The following IFT56 variants were observed in gnomAD, a reference collection of about 807,000 sequenced individuals.
IFT56 encodes intraflagellar transport 56.
the IFT56 span, among the ~76,000 whole-genome samples, chr7:139,156,014 T>C: frequency 6.6e-6 from 1 of 152,314 alleles, no homozygotes; most frequent in South Asian, 2.1e-4. Flanking sequence ...AGTCTTTCAA[T>C]CTGTGCACAT....
the IFT56 span, chr7:139,181,174 G>C: frequency 6.2e-7 from 1 of 1,612,698 alleles, no homozygotes; most frequent in Non-Finnish European, 8.5e-7. Context: ...GTCTCTTACA[G>C]CTCATTGCTA....
the IFT56 span, chr7:139,148,190 T>C: frequency 0.028 from 44,501 of 1,595,136 alleles, 1,233 homozygotes; most frequent in South Asian, 0.12. Flanking sequence ...TTAACCCTAA[T>C]TCTTTCATCT....
chr7:139,182,171 AT>A, the IFT56 span, among the ~76,000 whole-genome samples: 1 of 152,086 alleles, frequency 6.6e-6, no homozygotes. Flanking sequence ...AAAGATTAAG[AT>A]TTTTTTAAAA....
chr7:139,170,147 C>A, the IFT56 span, among the ~76,000 whole-genome samples: 2 of 152,090 alleles, frequency 1.3e-5, no homozygotes, highest in South Asian at 2.1e-4. Flanking sequence ...TACAACCAAC[C>A]AAGATTGAAC....
At chr7:139,177,335 G>A in the IFT56 span, among the ~76,000 whole-genome samples, 3 of 151,332 alleles carry the variant, frequency 2.0e-5, no homozygotes, top group Non-Finnish European at 4.4e-5. Context: ...TTTGAGTGGT[G>A]GAGGATTAGT....
the IFT56 span, among the ~76,000 whole-genome samples, chr7:139,185,108 G>A: frequency 6.6e-6 from 1 of 151,612 alleles, no homozygotes; most frequent in Middle Eastern, 3.2e-3. Context: ...GGCTGAGGCA[G>A]GAGAATCACT....
chr7:139,159,501 G>A, the IFT56 span, among the ~76,000 whole-genome samples: 4,651 of 152,204 alleles, frequency 0.031, 249 homozygotes, highest in African/African-American at 0.11. Context: ...TGCCAGTGTA[G>A]CTCTTTAGCA....
At chr7:139,178,126 T>C in the IFT56 span, 1 of 948,488 alleles carries the variant, frequency 1.1e-6, no homozygotes, top group Non-Finnish European at 1.6e-6. Flanking sequence ...TATTTTCCTG[T>C]CTTTAAATTA....
At chr7:139,189,241 A>C in the IFT56 span, 2 of 1,053,012 alleles carry the variant, frequency 1.9e-6, no homozygotes, top group South Asian at 3.1e-5. Context: ...ATACAGTATG[A>C]AGGACAGTTC....
the IFT56 span, among the ~76,000 whole-genome samples, chr7:139,165,430 C>T: frequency 6.6e-6 from 1 of 150,772 alleles, no homozygotes; most frequent in Non-Finnish European, 1.5e-5. Flanking sequence ...CGCTTCCTAC[C>T]TTCTCCCTCA....
chr7:139,139,975 A>G, the IFT56 span: 4 of 1,611,344 alleles, frequency 2.5e-6, no homozygotes, highest in Non-Finnish European at 3.4e-6. Flanking sequence ...CTTGGGATGT[A>G]TAAACAAGCT....
chr7:139,174,327 GA>G, the IFT56 span: 1 of 548,478 alleles, frequency 1.8e-6, no homozygotes, highest in South Asian at 1.4e-5. Context: ...CACTGGAGGA[GA>G]GATTTAACAT....
chr7:139,156,936 G>A, the IFT56 span, among the ~76,000 whole-genome samples: 1 of 152,128 alleles, frequency 6.6e-6, no homozygotes, highest in African/African-American at 2.4e-5. Context: ...CTTCAAGGGT[G>A]TCTTGGCTAT....
the IFT56 span, among the ~76,000 whole-genome samples, chr7:139,150,831 A>C: frequency 6.6e-6 from 1 of 152,234 alleles, no homozygotes; most frequent in African/African-American, 2.4e-5. Flanking sequence ...TCAGGCTTAC[A>C]CAACTAACAT....
the IFT56 span, chr7:139,190,679 G>A: frequency 6.6e-6 from 1 of 152,344 alleles, no homozygotes; most frequent in Non-Finnish European, 1.5e-5. Context: ...TCTGTCGTAA[G>A]TCATATTCCA....
At chr7:139,189,372 A>G in the IFT56 span, 1 of 1,613,600 alleles carries the variant, frequency 6.2e-7, no homozygotes, top group Non-Finnish European at 8.5e-7. Context: ...GTAACACCCA[A>G]GTAGAATACA....
the IFT56 span, chr7:139,142,134 C>A: frequency 2.0e-6 from 2 of 984,428 alleles, no homozygotes; most frequent in Non-Finnish European, 3.2e-6. Context: ...TGTATTCTAG[C>A]AGAGACATAT....
chr7:139,185,406 T>C, the IFT56 span, among the ~76,000 whole-genome samples: 261 of 152,192 alleles, frequency 1.7e-3, 1 homozygote, highest in Middle Eastern at 6.8e-3. Context: ...ACCTCTGTCC[T>C]ATCTTTGTCC....
At chr7:139,154,577 AT>A in the IFT56 span, among the ~76,000 whole-genome samples, 1 of 152,106 alleles carries the variant, frequency 6.6e-6, no homozygotes, top group Non-Finnish European at 1.5e-5. Context: ...TTCCAGCACC[AT>A]TTGTTGAAGA....
Sources: allele counts gnomAD v4.1 joint callset (sites outside exome capture counted in the v4.1 genomes callset), GRCh38; gene constraint gnomAD v4.1.1; transcripts MANE v1.5; gene names NCBI Gene and HGNC (gene_info 2026-07-23, HGNC 2026-07-21).